Variants in ZER1 observed in about 807,000 individuals in gnomAD.
ZER1 encodes zyg-11 related cell cycle regulator.
In ZER1, 11 loss-of-function variants were observed where a neutral mutation model predicts 78.8. The ratio of observed to expected loss-of-function variants is 0.14; its 90% CI spans 0.09 to 0.23. ZER1 has a LOEUF of 0.23. Among genes scored for constraint, ZER1 ranks in the 10% least tolerant of loss-of-function variants. The pLI, the probability that ZER1 is intolerant of heterozygous loss-of-function variation, is 1.00. For synonymous variants in ZER1, 400 were observed against 407.0 expected (o/e 0.98, Z 0.21); for missense variants, 588 against 996.9 (o/e 0.59, Z 5.52).
chr9:128,742,809 A>G, intron 8 of ZER1, 64 bp from the exon 9 acceptor site: 1 of 1,503,446 alleles, frequency 6.7e-7, no homozygotes, highest in Non-Finnish European at 9.0e-7. Context: ...GGGCTCTAGG[A>G]ACTATCTAGA....
At position 128,730,692 on chromosome 9, in the gene ZER1, G is replaced by A. The variant is rs1862785365; in HGVS notation, c.*645C>T. 6.5e-6 allele frequency: 1 copy of A among 152,678 alleles called. No homozygotes were observed. Among genetic ancestry groups the A allele is most frequent in the African/African-American group, 2.4e-5 (1 of 41,452 alleles). The allele number at this position is 152,678 out of a possible 1,614,324, so 9.5% of individuals were successfully genotyped here. ...CTGGCTGGACAGCAGCAGGGCCACT[G>A]GGTGCCCTGCTCCTAGAGGGTCTTC... On this transcript the variant is annotated 3_prime_UTR_variant, in exon 16 of 16. Transcript: ENST00000291900.
At chr9:128,744,410 T>C (rs1863416013) in intron 8 of ZER1, among the ~76,000 whole-genome samples, 2 of 151,692 alleles carry the variant, frequency 1.3e-5, no homozygotes, top group South Asian at 4.2e-4. Context: ...GCCAAGATGG[T>C]CTTGATCTCA....
rs777548060 is a variant in ZER1, at chr9:128,752,761, C to A, written c.835G>T (p.Gly279Trp). The stretch of plus-strand genomic sequence containing the variant: ...GAGATGTCCAGGGACATTAGGTTCC[C>A]CAGCTTCTGCACAAAGAGGCTCAGC... ...EVLSLFVQKL[G>W]NLMSLDISGH... Residue 279 changes from glycine (G) to tryptophan (W), a missense_variant, in exon 5 of 16, where the codon GGG becomes TGG. Gly to Trp is a radical substitution (Grantham distance 184). Coordinates refer to ENST00000291900, the MANE Select transcript of ZER1 (RefSeq NM_006336.4). The A allele has an allele frequency of 5.0e-6, 8 of 1,614,182 alleles. No individual in the cohort carries two copies. The highest frequency in any genetic ancestry group is 6.8e-6 in the Non-Finnish European group (8 of 1,180,042).
rs561869556 is a variant in ZER1 at position 128,750,546 on chromosome 9, G to C, written c.1359+70C>G. 6.4e-6 allele frequency: 10 copies of C among 1,563,358 alleles called. No individual in the cohort carries two copies. The East Asian group carries it at 2.0e-4, about 32-fold the overall frequency. ...GCAGCCCAGAGCCGGGGGAGCCCTA[G>C]CGGGACGCAAGAAGCAGGAAAGGGG... On this transcript the variant is annotated intron_variant, in intron 8 of 15. Transcript: ENST00000291900.
chr9:128,744,885 C>G (rs993530914), intron 8 of ZER1, among the ~76,000 whole-genome samples: 1 of 152,184 alleles, frequency 6.6e-6, no homozygotes, highest in Admixed American at 6.5e-5. Context: ...TCCATCATGA[C>G]ACCCCAATTT....
chr9:128,758,780 G>A (rs1863945131), intron 1 of ZER1, among the ~76,000 whole-genome samples: 1 of 147,830 alleles, frequency 6.8e-6, no homozygotes, highest in Non-Finnish European at 1.5e-5. Flanking sequence ...GACACAAAAG[G>A]ATCTACACTG....
chr9:128,748,385 G>C (rs1423818728), intron 8 of ZER1, among the ~76,000 whole-genome samples: 7 of 132,476 alleles, frequency 5.3e-5, no homozygotes, highest in African/African-American at 1.4e-4. Flanking sequence ...CTGGGTGACA[G>C]AGCGAGACTC....
chr9:128,747,763 C>T (rs1023448996), intron 8 of ZER1, among the ~76,000 whole-genome samples: 2 of 152,010 alleles, frequency 1.3e-5, no homozygotes, highest in Non-Finnish European at 1.5e-5. Flanking sequence ...GGACTACAGG[C>T]ACCCGCCAGT....
In ZER1 at chr9:128,752,761, C is replaced by G; in HGVS notation, c.835G>C (p.Gly279Arg). The G allele has an allele frequency of 1.2e-6, 2 of 1,614,182 alleles. No individual in the cohort carries two copies. Among genetic ancestry groups the G allele is most frequent in the South Asian group, 1.1e-5 (1 of 91,078 alleles). ...EVLSLFVQKL[G>R]NLMSLDISGH... ...GAGATGTCCAGGGACATTAGGTTCC[C>G]CAGCTTCTGCACAAAGAGGCTCAGC... The change falls in exon 5 of 16, where the codon GGG (glycine) becomes CGG (arginine). Residue 279 changes from glycine to arginine, a missense_variant. Transcript: ENST00000291900.
At chr9:128,739,549 C>T (rs1863218242) in intron 13 of ZER1, among the ~76,000 whole-genome samples, 1 of 151,528 alleles carries the variant, frequency 6.6e-6, no homozygotes, top group African/African-American at 2.4e-5. Context: ...CTCAAGTGAT[C>T]CTCCTGTCTC....
chr9:128,735,291 T>G (rs1420043027), intron 14 of ZER1, 43 bp downstream of exon 14: 1 of 1,560,812 alleles, frequency 6.4e-7, no homozygotes, highest in South Asian at 1.2e-5. Context: ...ACATCTGCTT[T>G]CAGCTGGATG....
intron 8 of ZER1, among the ~76,000 whole-genome samples, chr9:128,750,199 ATGTTAATGGTGCC>A (rs1863629017): frequency 6.6e-6 from 1 of 152,238 alleles, no homozygotes. Flanking sequence ...TTGATATCCC[ATGTTAATGGTGCC>A]TGTCTCTGGG....
intron 15 of ZER1, among the ~76,000 whole-genome samples, chr9:128,731,992 G>C (rs1050337509): frequency 6.6e-6 from 1 of 152,182 alleles, no homozygotes; most frequent in East Asian, 1.9e-4. Context: ...CTTGGACCCC[G>C]GACAGCTTGC....
chr9:128,737,244 A>G (rs1359538415), intron 13 of ZER1, among the ~76,000 whole-genome samples: 1 of 151,868 alleles, frequency 6.6e-6, no homozygotes, highest in Non-Finnish European at 1.5e-5. Context: ...TTGGCCTCCC[A>G]AAGTGGCTGG....
Position 128,733,000 on chromosome 9 carries a change from T to C in ZER1, c.2243+426A>G, listed in dbSNP as rs1862889213. ...CGGAAGGCCGAGACTCCACCATGTT[T>C]GTGATCTTCACATTCAGCAAACTCA... On this transcript the variant is annotated intron_variant, in intron 15 of 15. Coordinates refer to ENST00000291900, the MANE Select transcript of ZER1 (RefSeq NM_006336.4). The surrounding 1 kb of genome is among the most constrained non-coding windows in gnomAD (Gnocchi z 4.8). The C allele has an allele frequency of 1.2e-5, 2 of 160,236 alleles. No individual in the cohort carries two copies. The highest frequency in any genetic ancestry group is 2.8e-5 in the Non-Finnish European group (2 of 72,594). The allele number at this position is 160,236 out of a possible 1,614,324, so 9.9% of individuals were successfully genotyped here. A position where few individuals can be genotyped will look rare whatever the true frequency, so the allele number is the denominator to read the frequency against.
intron 1 of ZER1, among the ~76,000 whole-genome samples, chr9:128,757,801 T>C (rs1406929671): frequency 6.6e-6 from 1 of 152,156 alleles, no homozygotes; most frequent in Non-Finnish European, 1.5e-5. Flanking sequence ...GGGAATACAA[T>C]GGGAACAGTG....
chr9:128,752,888 T>C, intron 4 of ZER1, 39 bp from the exon 5 acceptor site: 1 of 1,594,804 alleles, frequency 6.3e-7, no homozygotes, highest in Non-Finnish European at 8.5e-7. Flanking sequence ...AGGAGCTGGG[T>C]ACAGGGTGGG....
At chr9:128,761,492 A>G (rs112845279) in intron 1 of ZER1, among the ~76,000 whole-genome samples, 17 of 150,056 alleles carry the variant, frequency 1.1e-4, no homozygotes, top group Admixed American at 6.0e-4. Context: ...TTGCTATGTT[A>G]GCCAGGCTGG....
intron 1 of ZER1, among the ~76,000 whole-genome samples, chr9:128,758,094 GT>G (rs1011796439): frequency 5.0e-4 from 65 of 129,896 alleles, no homozygotes; most frequent in African/African-American, 5.7e-4. Flanking sequence ...GGCTTACAAT[GT>G]TTTTTTTTTT....
Sources: allele counts gnomAD v4.1 joint callset (sites outside exome capture counted in the v4.1 genomes callset), GRCh38; gene constraint gnomAD v4.1.1; non-coding constraint Gnocchi (gnomAD v3.1); transcripts MANE v1.5; gene names NCBI Gene and HGNC (gene_info 2026-07-23, HGNC 2026-07-21).